SLC2A9: variants seen among roughly 807,000 people sequenced by gnomAD.
SLC2A9 encodes the protein solute carrier family 2 member 9.
A neutral mutation model predicts 50.6 loss-of-function variants in SLC2A9; 39 were observed. The observed-to-expected ratio is 0.77, with a 90% CI of 0.60 to 1.01. The LOEUF (loss-of-function observed/expected upper bound fraction) is 1.01, where lower values mean the gene tolerates loss of function less well. Among genes scored for constraint, SLC2A9 ranks in the 50% least tolerant of loss-of-function variants. The pLI, the probability that SLC2A9 is intolerant of heterozygous loss-of-function variation, is 0.00. For missense variants in SLC2A9, 686 were observed against 677.6 expected (o/e 1.01, Z -0.14); for synonymous variants, 324 against 276.9 (o/e 1.17, Z -1.69).
chr4:9,826,281 T>C lies in SLC2A9; in HGVS notation c.*116A>G, dbSNP rs1725106744. 3.0e-6 allele frequency: 3 copies of C among 1,001,418 alleles called. No individual in the cohort carries two copies. The highest frequency in any genetic ancestry group is 4.7e-6 in the Non-Finnish European group (3 of 631,980). 62.0% of individuals were successfully genotyped at this position (1,001,418 alleles called of 1,614,324 possible). On this transcript the variant is annotated 3_prime_UTR_variant, in exon 12 of 12. Coordinates refer to ENST00000264784, the MANE Select transcript of SLC2A9 (RefSeq NM_020041.3). ...AATAATATAAAAGACTTGCATAGCT[T>C]CAATTCATTTAAGCTTCCCAATAAT...
downstream of SLC2A9, among the ~76,000 whole-genome samples, chr4:9,779,231 A>C (rs140644176): frequency 3.7e-3 from 561 of 152,102 alleles, no homozygotes; most frequent in Middle Eastern, 0.014. Flanking sequence ...TGCCTACTTA[A>C]CTGTGATTCA....
chr4:9,849,889 T>G (rs371290453), intron 10 of SLC2A9, among the ~76,000 whole-genome samples: 109 of 152,116 alleles, frequency 7.2e-4, no homozygotes, highest in African/African-American at 2.4e-3. Context: ...GGGCGCATTT[T>G]AACATTCTTC....
intron 2 of SLC2A9, among the ~76,000 whole-genome samples, chr4:10,016,881 A>G (rs1038866677): frequency 6.6e-6 from 1 of 151,644 alleles, no homozygotes; most frequent in Admixed American, 6.6e-5. Context: ...TCCTCAGCCT[A>G]AGATCTTAGG....
chr4:9,828,698 G>T (rs1223716100), intron 11 of SLC2A9, among the ~76,000 whole-genome samples: 1 of 152,142 alleles, frequency 6.6e-6, no homozygotes, highest in Admixed American at 6.5e-5. Context: ...CGACTTAAAG[G>T]TCATTTTCTC....
At chr4:9,848,240 C>T (rs2139242) in intron 10 of SLC2A9, among the ~76,000 whole-genome samples, 1,929 of 152,248 alleles carry the variant, frequency 0.013, 26 homozygotes, top group Non-Finnish European at 0.016. Flanking sequence ...GAGCTTGGCT[C>T]CCAGTATAGG....
intron 8 of SLC2A9, among the ~76,000 whole-genome samples, chr4:9,907,765 G>C (rs531562752): frequency 1.3e-5 from 2 of 152,316 alleles, no homozygotes; most frequent in Admixed American, 1.3e-4. Flanking sequence ...AGATGACAGG[G>C]AAGCAAAATC....
intron 3 of SLC2A9, among the ~76,000 whole-genome samples, chr4:9,806,758 T>C (rs143766189): frequency 2.8e-4 from 43 of 152,284 alleles, no homozygotes; most frequent in African/African-American, 1.0e-3. Flanking sequence ...AACATCAGCT[T>C]TCAAATCCCT....
At position 9,916,329 on chromosome 4, in the gene SLC2A9, A is replaced by G. The variant is rs545437376; in HGVS notation, c.1002+4056T>C. On this transcript the variant is annotated intron_variant, in intron 7 of 11. Coordinates refer to ENST00000264784, the MANE Select transcript of SLC2A9 (RefSeq NM_020041.3). ...CACCGCCGGTGAGCACCCAGAACCA[A>G]TGTCACCAGGCCCATATGGCTCATT... 1.1e-4 allele frequency among the ~76,000 whole-genome samples: 16 copies of G among 152,258 alleles called. No homozygotes were observed. The South Asian group carries it at 2.5e-3, about 24-fold the overall frequency.
chr4:9,941,848 AGCATGCCTT>A (rs1748192972), intron 6 of SLC2A9, 56 bp downstream of exon 6: 24 of 1,607,970 alleles, frequency 1.5e-5, no homozygotes, highest in Non-Finnish European at 2.0e-5. Flanking sequence ...CCCAGGTCCC[AGCATGCCTT>A]GCAGTGATGA....
At chr4:9,893,954 A>T (rs1011582786) in intron 8 of SLC2A9, among the ~76,000 whole-genome samples, 1 of 152,214 alleles carries the variant, frequency 6.6e-6, no homozygotes, top group East Asian at 1.9e-4. Context: ...TCAGAGGCCA[A>T]GAGTGATTAT....
downstream of SLC2A9, among the ~76,000 whole-genome samples, chr4:9,796,916 G>A (rs2108906145): frequency 6.6e-6 from 1 of 152,290 alleles, no homozygotes; most frequent in South Asian, 2.1e-4. Flanking sequence ...ATTAGCTGAA[G>A]CAAGTCACAT....
intron 2 of SLC2A9, among the ~76,000 whole-genome samples, chr4:10,012,721 AGCAC>A (rs1761961788): frequency 6.6e-6 from 1 of 152,184 alleles, no homozygotes; most frequent in Non-Finnish European, 1.5e-5. Flanking sequence ...CAGCAGGAGC[AGCAC>A]GCACAAAGGC....
At chr4:9,799,589 C>T (rs1437027763) in intron 3 of SLC2A9, among the ~76,000 whole-genome samples, 4 of 151,986 alleles carry the variant, frequency 2.6e-5, no homozygotes, top group Non-Finnish European at 4.4e-5. Flanking sequence ...CACAGACATT[C>T]AGACCATAGT....
At chr4:9,906,733 A>G (rs1181800222) in intron 8 of SLC2A9, among the ~76,000 whole-genome samples, 1 of 152,218 alleles carries the variant, frequency 6.6e-6, no homozygotes, top group Admixed American at 6.5e-5. Context: ...AACAAAAAAC[A>G]TCTCCCGTAC....
chr4:9,932,642 A>G (rs565237139), intron 6 of SLC2A9, among the ~76,000 whole-genome samples: 1 of 152,342 alleles, frequency 6.6e-6, no homozygotes, highest in African/African-American at 2.4e-5. Flanking sequence ...CTGGGGAAAG[A>G]GCCTTCCAGG....
rs554612567 is a variant in SLC2A9, at chr4:9,987,632, CTT to C, written c.411-1841_411-1840del. 8.5e-5 allele frequency among the ~76,000 whole-genome samples: 13 copies of C among 152,256 alleles called. No individual in the cohort carries two copies. In the South Asian group the frequency reaches 2.5e-3, roughly 29 times the overall value. On this transcript the variant is annotated intron_variant, in intron 3 of 11. Transcript: ENST00000264784. ...CTCTTCCCACCAGCTAACATTGCCT[CTT>C]GTCATAAATTATGGGACTCAGTTAT...
chr4:9,905,199 G>C (rs1157069892), intron 8 of SLC2A9, among the ~76,000 whole-genome samples: 6 of 152,378 alleles, frequency 3.9e-5, no homozygotes, highest in African/African-American at 9.6e-5. Context: ...CACCACCCAA[G>C]CTCTGAATCA....
At chr4:10,006,247 G>A (rs1760751479) in intron 2 of SLC2A9, among the ~76,000 whole-genome samples, 1 of 152,128 alleles carries the variant, frequency 6.6e-6, no homozygotes, top group South Asian at 2.1e-4. Context: ...AAAAGAAATT[G>A]CCAGACAATG....
At chr4:9,838,242 C>T (rs1013260063) in intron 10 of SLC2A9, among the ~76,000 whole-genome samples, 3 of 152,060 alleles carry the variant, frequency 2.0e-5, no homozygotes, top group South Asian at 2.1e-4. Flanking sequence ...ATGATGATGA[C>T]GATGGTGCTT....
Sources: allele counts gnomAD v4.1 joint callset (sites outside exome capture counted in the v4.1 genomes callset), GRCh38; gene constraint gnomAD v4.1.1; transcripts MANE v1.5; gene names NCBI Gene and HGNC (gene_info 2026-07-23, HGNC 2026-07-21).